NTSR2: variants seen among roughly 807,000 people sequenced by gnomAD.
NTSR2 encodes neurotensin receptor 2.
A neutral mutation model predicts 24.1 loss-of-function variants in NTSR2; 22 were observed. That is an observed-to-expected ratio of 0.91 (90% CI 0.65 to 1.30). NTSR2 has a LOEUF of 1.30. Among genes scored for constraint, NTSR2 ranks in the 50% most tolerant of loss-of-function variants. The probability of loss-of-function intolerance (pLI) is 0.00; values close to 1 mark genes in which losing one functional copy is unlikely to be tolerated. For synonymous variants in NTSR2, 291 were observed against 267.0 expected (o/e 1.09, Z -0.88); for missense variants, 570 against 570.4 (o/e 1.00, Z 0.01).
intron 1 of NTSR2, among the ~76,000 whole-genome samples, chr2:11,663,560 A>G (rs188192417): frequency 6.6e-6 from 1 of 152,408 alleles, no homozygotes; most frequent in African/African-American, 2.4e-5. Flanking sequence ...TATTAACCGC[A>G]AAGAAAACAA....
chr2:11,665,669 A>G (rs952114832), intron 1 of NTSR2: 2 of 152,228 alleles, frequency 1.3e-5, no homozygotes, highest in African/African-American at 4.8e-5. Context: ...ATGGGAGGTG[A>G]TGATGACCTC....
chr2:11,660,174 G>A, intron 2 of NTSR2, 41 bp from the exon 3 acceptor site: 1 of 1,484,362 alleles, frequency 6.7e-7, no homozygotes. Flanking sequence ...CCAGGAGAAA[G>A]CAAACACATT....
chr2:11,662,198 C>T lies in NTSR2; in HGVS notation c.667G>A (p.Ala223Thr), dbSNP rs138018668. 2 of 1,565,148 alleles carry T rather than the reference C, an allele frequency of 1.3e-6. No homozygotes were observed. The highest frequency in any genetic ancestry group is 2.7e-5 in the African/African-American group (2 of 73,282). Residue 223 changes from alanine (A) to threonine (T), a missense_variant, in exon 2 of 4, where the codon GCT (alanine) becomes ACT (threonine). Coordinates refer to ENST00000306928, the MANE Select transcript of NTSR2 (RefSeq NM_012344.4). ...VSFVLPLALT[A>T]FLNGVTVSHL... The stretch of plus-strand genomic sequence containing the variant: ...CTCACTGTGACCCCATTCAGGAAAG[C>T]AGTTAGTGCCAAGGGGAGCACGAAG...
Position 11,669,811 on chromosome 2 carries a change from C to A in NTSR2, c.319G>T (p.Gly107Cys), listed in dbSNP as rs1424554956. 1.9e-6 allele frequency: 3 copies of A among 1,567,194 alleles called. No homozygotes were observed. The South Asian group carries it at 3.5e-5, about 18-fold the overall frequency. Residue 107 changes from glycine to cysteine, a missense_variant, in exon 1 of 4, where the codon GGC (glycine) becomes TGC (cysteine). Physicochemically the swap from Gly to Cys is radical, Grantham distance 159. Coordinates refer to ENST00000306928, the MANE Select transcript of NTSR2 (RefSeq NM_012344.4). ...TGCACGAAGTAGTAGCCGCGGCAGCCCAGGTCGCCGAAGACCCAGGGGTAG... is the reference window on the plus strand; with the variant it reads ...TGCACGAAGTAGTAGCCGCGGCAGCACAGGTCGCCGAAGACCCAGGGGTAG... ...FHYPWVFGDLGCRGYYFVHEL... is the reference protein window; with the variant it reads ...FHYPWVFGDLCCRGYYFVHEL...
At chr2:11,664,620 C>G (rs1417023203) in intron 1 of NTSR2, among the ~76,000 whole-genome samples, 4 of 152,184 alleles carry the variant, frequency 2.6e-5, no homozygotes, top group African/African-American at 9.7e-5. Context: ...TCAGTAATGA[C>G]ATACTTAATT....
At chr2:11,665,078 T>G (rs892091448) in intron 1 of NTSR2, among the ~76,000 whole-genome samples, 1 of 149,780 alleles carries the variant, frequency 6.7e-6, no homozygotes, top group Non-Finnish European at 1.5e-5. Flanking sequence ...TTTTTTTTTT[T>G]TTTTTCCAAG....
chr2:11,660,144 T>G lies in NTSR2; in HGVS notation c.899-11A>C. 1 of 1,608,888 alleles carries G rather than the reference T, an allele frequency of 6.2e-7. No homozygotes were observed. The highest frequency in any genetic ancestry group is 1.1e-5 in the South Asian group (1 of 90,980). The stretch of plus-strand genomic sequence containing the variant: ...TGACCACGATGGCTCCTGCAGAGCA[T>G]TGGAAAGGGAGAGACAGCGCCAGGA... On this transcript the variant is annotated splice_polypyrimidine_tract_variant and intron_variant, in intron 2 of 3. Coordinates refer to ENST00000306928, the MANE Select transcript of NTSR2 (RefSeq NM_012344.4).
chr2:11,658,211 C>T lies in NTSR2; in HGVS notation c.*268G>A, dbSNP rs146997854. 7.4e-4 allele frequency: 262 copies of T among 355,790 alleles called. 3 individuals are homozygous for T. Among genetic ancestry groups the T allele is most frequent in the African/African-American group, 4.9e-3 (235 of 48,234 alleles). 22.0% of individuals were successfully genotyped at this position (355,790 alleles called of 1,614,324 possible). A position where few individuals can be genotyped will look rare whatever the true frequency, so the allele number is the denominator to read the frequency against. ...GCAAAAATTTATTGAGCATCTACTACGCACCAGGTTCTGTGCTAAGCACTT... is the reference window on the plus strand; with the variant it reads ...GCAAAAATTTATTGAGCATCTACTATGCACCAGGTTCTGTGCTAAGCACTT... On this transcript the variant is annotated 3_prime_UTR_variant, in exon 4 of 4. Coordinates refer to ENST00000306928, the MANE Select transcript of NTSR2 (RefSeq NM_012344.4).
chr2:11,669,706 G>A lies in NTSR2; in HGVS notation c.424C>T (p.Arg142Cys), dbSNP rs17853770. ...ERCLAVCQPL[R>C]ARSLLTPRRT... ...CGTGGCGTCAGCAGGCTGCGGGCACGCAGGGGCTGGCACACGGCTAGGCAG... is the reference window on the plus strand; with the variant it reads ...CGTGGCGTCAGCAGGCTGCGGGCACACAGGGGCTGGCACACGGCTAGGCAG... The change falls in exon 1 of 4, where the codon CGT becomes TGT. Residue 142 changes from arginine (R) to cysteine (C), a missense_variant. Transcript: ENST00000306928. 6.5e-7 allele frequency: 1 copy of A among 1,527,698 alleles called. No homozygotes were observed. The highest frequency in any genetic ancestry group is 2.5e-5 in the East Asian group (1 of 40,388). The allele number at this position is 1,527,698 out of a possible 1,614,324, so 94.6% of individuals were successfully genotyped here.
At chr2:11,661,864 G>T in intron 2 of NTSR2, 103 bp downstream of exon 2, 1 of 1,094,178 alleles carries the variant, frequency 9.1e-7, no homozygotes, top group Non-Finnish European at 1.3e-6. Context: ...AGGAAGCCTT[G>T]AGAGAGGTAG....
At position 11,670,079 on chromosome 2, in the gene NTSR2, C is replaced by T. The variant is rs1316120680; in HGVS notation, c.51G>A (p.Leu17=). The T allele has an allele frequency of 1.4e-6, 2 of 1,452,372 alleles. No individual in the cohort carries two copies. The highest frequency in any genetic ancestry group is 2.7e-5 in the East Asian group (1 of 36,868). 90.0% of individuals were successfully genotyped at this position (1,452,372 alleles called of 1,614,324 possible). A position where few individuals can be genotyped will look rare whatever the true frequency, so the allele number is the denominator to read the frequency against. The change falls in exon 1 of 4, where the codon CTG becomes CTA. Residue 17 remains leucine, a synonymous_variant. Coordinates refer to ENST00000306928, the MANE Select transcript of NTSR2 (RefSeq NM_012344.4). ...RPPRPSSNPG[L]SLDARLGVDT... ...CCACGCCCAGCCGGGCGTCCAGGCT[C>T]AGCCCCGGGTTGGAGCTGGGCCGCG...
At chr2:11,662,552 C>T (rs892767332) in intron 1 of NTSR2, among the ~76,000 whole-genome samples, 2 of 152,118 alleles carry the variant, frequency 1.3e-5, no homozygotes, top group Non-Finnish European at 2.9e-5. Context: ...GAGGCCGAGG[C>T]GGGCGGATCA....
chr2:11,658,533 G>T lies in NTSR2; in HGVS notation c.1179C>A (p.Pro393=). 6.2e-7 allele frequency: 1 copy of T among 1,614,162 alleles called. No homozygotes were observed. Among genetic ancestry groups the T allele is most frequent in the Non-Finnish European group, 8.5e-7 (1 of 1,180,014 alleles). Residue 393 remains proline, a synonymous_variant, in exon 4 of 4, where the codon CCC becomes CCA. Transcript: ENST00000306928. ...AGCCTGAAGCTGTATCCATTAGGGTGGGACTCTGGGGCTTCGGGGGTAACC... is the reference window on the plus strand; with the variant it reads ...AGCCTGAAGCTGTATCCATTAGGGTTGGACTCTGGGGCTTCGGGGGTAACC... ...MKRLPPKPQS[P]TLMDTASGFG...
At position 11,670,004 on chromosome 2, in the gene NTSR2, G is replaced by T; in HGVS notation, c.126C>A (p.Ile42=). 6.6e-7 allele frequency: 1 copy of T among 1,517,616 alleles called. No homozygotes were observed. The highest frequency in any genetic ancestry group is 8.8e-7 in the Non-Finnish European group (1 of 1,138,598). The allele number at this position is 1,517,616 out of a possible 1,614,324, so 94.0% of individuals were successfully genotyped here. A position where few individuals can be genotyped will look rare whatever the true frequency, so the allele number is the denominator to read the frequency against. Residue 42 remains isoleucine, a synonymous_variant, in exon 1 of 4, where the codon ATC becomes ATA. Coordinates refer to ENST00000306928, the MANE Select transcript of NTSR2 (RefSeq NM_012344.4). ...CATTGCCCGCCGCGCCCAGCGCCCA[G>T]ATGAGTGCGTAGAGCGCGGTGAACA... ...KVLFTALYAL[I]WALGAAGNAL...
At position 11,670,190 on chromosome 2, in the gene NTSR2, G is replaced by T. The variant is rs1206367794; in HGVS notation, c.-61C>A. 2.2e-6 allele frequency: 3 copies of T among 1,354,614 alleles called. No individual in the cohort carries two copies. The highest frequency in any genetic ancestry group is 1.5e-5 in the African/African-American group (1 of 65,002). The allele number at this position is 1,354,614 out of a possible 1,614,324, so 83.9% of individuals were successfully genotyped here. ...GCCCGGAGTCTGGGCGAGCTGCCTG[G>T]TTAGTGAGCACCTCCTCTTCTCTGG... On this transcript the variant is annotated 5_prime_UTR_variant, in exon 1 of 4. Coordinates refer to ENST00000306928, the MANE Select transcript of NTSR2 (RefSeq NM_012344.4).
intron 1 of NTSR2, among the ~76,000 whole-genome samples, chr2:11,663,860 A>C (rs192782119): frequency 3.2e-4 from 49 of 152,310 alleles, no homozygotes; most frequent in Middle Eastern, 6.8e-3. Context: ...AGGACAAGCG[A>C]CAAGAACACA....
chr2:11,660,133 C>T lies in NTSR2; in HGVS notation c.899G>A (p.Arg300Lys). Residue 300 changes from arginine to lysine, a missense_variant and splice_region_variant, in exon 3 of 4, where the codon AGA (arginine) becomes AAA (lysine). Physicochemically the swap from Arg to Lys is conservative, Grantham distance 26. Transcript: ENST00000306928. ...GATGACATACATGACCACGATGGCT[C>T]CTGCAGAGCATTGGAAAGGGAGAGA... ...RSLQRSVQVLRAIVVMYVICW... is the reference protein window; with the variant it reads ...RSLQRSVQVLKAIVVMYVICW... The T allele has an allele frequency of 1.2e-6, 2 of 1,612,536 alleles. No homozygotes were observed. Among genetic ancestry groups the T allele is most frequent in the Non-Finnish European group, 1.7e-6 (2 of 1,179,234 alleles).
At chr2:11,658,797 CCT>C in intron 3 of NTSR2, 75 bp from the exon 4 acceptor site, 1 of 1,524,850 alleles carries the variant, frequency 6.6e-7, no homozygotes, top group Non-Finnish European at 8.9e-7. Context: ...CTGGAGAATG[CCT>C]CTCCTCCAGA....
intron 1 of NTSR2, 141 bp downstream of exon 1, chr2:11,669,365 A>C: frequency 1.4e-6 from 1 of 706,970 alleles, no homozygotes; most frequent in Non-Finnish European, 2.1e-6. Context: ...GTAAAATGGG[A>C]CAGAGCAACA....
Sources: allele counts gnomAD v4.1 joint callset (sites outside exome capture counted in the v4.1 genomes callset), GRCh38; gene constraint gnomAD v4.1.1; transcripts MANE v1.5; gene names NCBI Gene and HGNC (gene_info 2026-07-23, HGNC 2026-07-21).